Variants in ERCC1 observed in about 807,000 individuals in gnomAD.
ERCC1 encodes the protein ERCC excision repair 1, endonuclease non-catalytic subunit, also known as DNA excision repair protein ERCC-1.
ERCC1 carries 36 observed loss-of-function variants against 37.6 expected under a neutral mutation model. That is an observed-to-expected ratio of 0.96 (90% confidence interval 0.73 to 1.26). ERCC1 has a LOEUF of 1.26. Among genes scored for constraint, ERCC1 ranks in the 50% most tolerant of loss-of-function variants. The pLI is 0.00. For synonymous variants in ERCC1, 156 were observed against 162.1 expected (o/e 0.96, Z 0.28); for missense variants, 349 against 376.5 (o/e 0.93, Z 0.60).
rs374522159 is a variant in ERCC1, at chr19:45,413,932, A to G, written c.774+31T>C. 10 of 1,606,446 alleles carry G rather than the reference A, an allele frequency of 6.2e-6. No individual in the cohort carries two copies. The African/African-American group carries it at 1.3e-4, about 22-fold the overall frequency. On this transcript the variant is annotated intron_variant, in intron 8 of 9. Transcript: ENST00000300853. ...TTCTAAAAAAGGCAAGGGGACAGAA[A>G]TGCCTATGGGGCAGGGGAGCCATTC...
At chr19:45,449,474 A>T (rs968863611) in intron 1 of ERCC1, among the ~76,000 whole-genome samples, 2 of 149,950 alleles carry the variant, frequency 1.3e-5, no homozygotes, top group Admixed American at 1.3e-4. Context: ...CCTGGGCAAC[A>T]TAATGAGACC....
At chr19:45,430,580 G>A (rs1383733177) in intron 1 of ERCC1, among the ~76,000 whole-genome samples, 1 of 152,090 alleles carries the variant, frequency 6.6e-6, no homozygotes, top group Non-Finnish European at 1.5e-5. Flanking sequence ...GAACCTTAGG[G>A]GGTTCCCCAG....
intron 2 of ERCC1, among the ~76,000 whole-genome samples, chr19:45,421,773 A>G (rs983551272): frequency 6.6e-6 from 1 of 151,780 alleles, no homozygotes; most frequent in East Asian, 1.9e-4. Context: ...AGCTGGGACT[A>G]CAGGCGTGTA....
At chr19:45,446,642 C>T (rs12611268) in intron 1 of ERCC1, among the ~76,000 whole-genome samples, 24,551 of 152,076 alleles carry the variant, frequency 0.16, 2,274 homozygotes, top group Admixed American at 0.24. Flanking sequence ...AACCTGTACT[C>T]ATCCATGTGG....
At chr19:45,441,545 T>C (rs545592160) in intron 1 of ERCC1, among the ~76,000 whole-genome samples, 1 of 152,354 alleles carries the variant, frequency 6.6e-6, no homozygotes, top group South Asian at 2.1e-4. Context: ...GGCTAATTTT[T>C]GTATTTTTTT....
Position 45,409,481 on chromosome 19 carries a change from C to G in ERCC1, c.*194G>C, listed in dbSNP as rs762364836. On this transcript the variant is annotated 3_prime_UTR_variant, in exon 10 of 10. Coordinates refer to ENST00000300853, the MANE Select transcript of ERCC1 (RefSeq NM_001983.4). Reference sequence around the variant, plus strand: ...AGGCCGGGACAAGAAGCGGAAGCAGCAGCAGCAGCAGCCTGTGTAGTCTGC... The same window carrying G: ...AGGCCGGGACAAGAAGCGGAAGCAGGAGCAGCAGCAGCCTGTGTAGTCTGC... The G allele has an allele frequency of 8.1e-6, 13 of 1,601,516 alleles. No individual in the cohort carries two copies. The South Asian group carries it at 1.1e-4, about 14-fold the overall frequency.
At chr19:45,423,452 C>A (rs1165699282) in intron 1 of ERCC1, 71 bp from the exon 2 acceptor site, 4 of 1,538,980 alleles carry the variant, frequency 2.6e-6, no homozygotes, top group East Asian at 4.9e-5. Context: ...AGGAACCCCC[C>A]ACTCACAGCC....
intron 6 of ERCC1, chr19:45,416,546 G>T: frequency 2.2e-6 from 1 of 450,178 alleles, no homozygotes; most frequent in Non-Finnish European, 4.1e-6. Flanking sequence ...CAGCTACTTG[G>T]GAGGCTGAGG....
intron 1 of ERCC1, among the ~76,000 whole-genome samples, chr19:45,444,165 ACT>A (rs1330923745): frequency 6.7e-5 from 9 of 135,332 alleles, no homozygotes; most frequent in Non-Finnish European, 1.1e-4. Context: ...ACCCCAATAC[ACT>A]CTCTTGTCCT....
At chr19:45,421,895 A>G (rs894098641) in intron 2 of ERCC1, among the ~76,000 whole-genome samples, 4 of 151,764 alleles carry the variant, frequency 2.6e-5, no homozygotes, top group African/African-American at 7.3e-5. Context: ...GGCCTCCCAA[A>G]GTCCTGGGAT....
At chr19:45,411,516 G>A (rs936674326) in intron 9 of ERCC1, among the ~76,000 whole-genome samples, 7 of 151,856 alleles carry the variant, frequency 4.6e-5, no homozygotes, top group Non-Finnish European at 8.8e-5. Context: ...TTTTAAGGCC[G>A]GGCACCATGG....
At chr19:45,419,304 G>T (rs970283034) in intron 4 of ERCC1, 107 bp from the exon 5 acceptor site, 7 of 808,368 alleles carry the variant, frequency 8.7e-6, no homozygotes, top group African/African-American at 3.4e-5. Flanking sequence ...CGGCATGGGG[G>T]ACAGAGGGTC....
rs1973420163 is a variant in ERCC1 at position 45,407,552 on chromosome 19, TTA to T, written c.*2121_*2122del. On this transcript the variant is annotated 3_prime_UTR_variant, in exon 10 of 10. Coordinates refer to ENST00000300853, the MANE Select transcript of ERCC1 (RefSeq NM_001983.4). ...AATCCTGCAACCTAAGCTTGCTCAT[TTA>T]TGTTATATTTAAGTAATGGGGGCTG... 4 of 326,770 alleles carry T rather than the reference TTA, an allele frequency of 1.2e-5. No individual in the cohort carries two copies. Among genetic ancestry groups the T allele is most frequent in the Admixed American group, 5.0e-5 (1 of 19,952 alleles). 20.2% of individuals were successfully genotyped at this position (326,770 alleles called of 1,614,324 possible). A position where few individuals can be genotyped will look rare whatever the true frequency, so the allele number is the denominator to read the frequency against.
chr19:45,410,716 A>T (rs191156593), intron 9 of ERCC1: 1 of 152,170 alleles, frequency 6.6e-6, no homozygotes, highest in Non-Finnish European at 1.5e-5. Flanking sequence ...AGATACACAA[A>T]TAAATAAGAA....
At chr19:45,445,379 C>T (rs1221087292) in intron 1 of ERCC1, among the ~76,000 whole-genome samples, 1 of 152,136 alleles carries the variant, frequency 6.6e-6, no homozygotes, top group Non-Finnish European at 1.5e-5. Context: ...TGTGAGAATG[C>T]AGTATTGAAC....
At chr19:45,439,452 C>A (rs890722354) in intron 1 of ERCC1, among the ~76,000 whole-genome samples, 14 of 152,300 alleles carry the variant, frequency 9.2e-5, no homozygotes, top group Admixed American at 2.0e-4. Flanking sequence ...AATCCCAGCA[C>A]TTTGGGAGGC....
chr19:45,412,766 T>A (rs1973821363), intron 9 of ERCC1, among the ~76,000 whole-genome samples: 1 of 151,490 alleles, frequency 6.6e-6, no homozygotes, highest in Non-Finnish European at 1.5e-5. Context: ...TGAGATAGAG[T>A]TTCACTCTTA....
At chr19:45,445,207 C>G (rs141458771) in intron 1 of ERCC1, among the ~76,000 whole-genome samples, 1 of 152,140 alleles carries the variant, frequency 6.6e-6, no homozygotes, top group Non-Finnish European at 1.5e-5. Context: ...AGTAGAGACA[C>G]GGTTTCACCA....
At chr19:45,434,989 G>T (rs1389557917) in intron 1 of ERCC1, among the ~76,000 whole-genome samples, 1 of 151,552 alleles carries the variant, frequency 6.6e-6, no homozygotes, top group Non-Finnish European at 1.5e-5. Flanking sequence ...TTCCACGTTG[G>T]TCGGGCTGGT....
Sources: gnomAD v4.1 joint callset for allele counts (sites outside exome capture counted in the v4.1 genomes callset) on GRCh38, gnomAD v4.1.1 for gene constraint, MANE v1.5 for transcripts, NCBI Gene and HGNC (gene_info 2026-07-23, HGNC 2026-07-21) for gene names.